Variants in ATP8A1 observed in about 807,000 individuals in gnomAD.
The protein encoded by ATP8A1 is phospholipid-transporting ATPase IA.
ATP8A1 carries 90 observed loss-of-function variants against 177.7 expected under a neutral mutation model. The ratio of observed to expected loss-of-function variants is 0.51; its 90% CI spans 0.43 to 0.60. The LOEUF (loss-of-function observed/expected upper bound fraction) is 0.60, where lower values mean the gene tolerates loss of function less well. Ranked by LOEUF, ATP8A1 falls within the 20% of genes least tolerant of loss-of-function variation. The probability of loss-of-function intolerance (pLI) is 0.00; values close to 1 mark genes in which losing one functional copy is unlikely to be tolerated. For synonymous variants in ATP8A1, 493 were observed against 485.9 expected, an observed-to-expected ratio of 1.01 and a Z score of -0.19; for missense variants, 1,072 against 1,392.8, an observed-to-expected ratio of 0.77 and a Z score of 3.67.
chr4:42,425,784 T>C (rs915460416), intron 33 of ATP8A1, among the ~76,000 whole-genome samples: 5 of 151,862 alleles, frequency 3.3e-5, no homozygotes, highest in African/African-American at 1.2e-4. Flanking sequence ...GAGAGCGGTT[T>C]GCAAATTTCT....
chr4:42,567,155 T>C (rs1005600615), intron 15 of ATP8A1, among the ~76,000 whole-genome samples: 2 of 152,224 alleles, frequency 1.3e-5, no homozygotes, highest in Admixed American at 1.3e-4. Context: ...TTGGACACAG[T>C]AGCAGCTCAG....
chr4:42,591,342 C>T (rs546354071), intron 6 of ATP8A1, among the ~76,000 whole-genome samples: 5 of 150,994 alleles, frequency 3.3e-5, no homozygotes, highest in African/African-American at 9.7e-5. Flanking sequence ...TATACTAGTC[C>T]CTGCCCCACT....
chr4:42,636,156 A>ACACACGCGCGCGCGTGCGCGCGCG (rs565139270), intron 1 of ATP8A1, among the ~76,000 whole-genome samples: 1 of 90,898 alleles, frequency 1.1e-5, no homozygotes, highest in East Asian at 3.4e-4. Context: ...ACACACACAC[A>ACACACGCGCGCGCGTGCGCGCGCG]CGCACACACA....
chr4:42,603,341 A>G lies in ATP8A1; in HGVS notation c.410-2823T>C, dbSNP rs1422439850. 2.0e-5 allele frequency among the ~76,000 whole-genome samples: 3 copies of G among 152,090 alleles called. No homozygotes were observed. The East Asian group carries it at 5.8e-4, about 29-fold the overall frequency. On this transcript the variant is annotated intron_variant, in intron 5 of 36. Coordinates refer to ENST00000381668, the MANE Select transcript of ATP8A1 (RefSeq NM_006095.2). ...GTTTTTTCTTAACCTCACGAGGGTT[A>G]TTTTTTATTCTATATTCCAGTCATT... is the stretch of plus-strand genomic sequence containing the variant.
chr4:42,493,498 A>G (rs550449942), intron 24 of ATP8A1, among the ~76,000 whole-genome samples: 1 of 152,334 alleles, frequency 6.6e-6, no homozygotes, highest in African/African-American at 2.4e-5. Context: ...ACAAAGGATT[A>G]TATCACACAT....
chr4:42,589,517 T>G (rs1733947999), intron 7 of ATP8A1, among the ~76,000 whole-genome samples: 1 of 152,198 alleles, frequency 6.6e-6, no homozygotes, highest in African/African-American at 2.4e-5. Context: ...CAAAAATATT[T>G]TACTGATTCA....
chr4:42,620,954 G>T (rs1253737884), intron 4 of ATP8A1, among the ~76,000 whole-genome samples: 1 of 152,084 alleles, frequency 6.6e-6, no homozygotes, highest in African/African-American at 2.4e-5. Context: ...AAAATTAAAC[G>T]AGAAAAACAT....
intron 33 of ATP8A1, among the ~76,000 whole-genome samples, chr4:42,425,891 C>T (rs528876950): frequency 6.6e-6 from 1 of 152,296 alleles, no homozygotes; most frequent in East Asian, 1.9e-4. Context: ...AAAGTGGCTC[C>T]CGGGGGCCTT....
intron 8 of ATP8A1, 115 bp from the exon 9 acceptor site, chr4:42,586,591 T>C (rs1235406220): frequency 1.5e-5 from 15 of 1,003,178 alleles, no homozygotes; most frequent in East Asian, 1.0e-4. Flanking sequence ...ATTATTTTTA[T>C]AAGCAATTCT....
intron 16 of ATP8A1, among the ~76,000 whole-genome samples, chr4:42,555,714 T>C (rs1730150359): frequency 6.6e-6 from 1 of 152,066 alleles, no homozygotes; most frequent in Non-Finnish European, 1.5e-5. Flanking sequence ...TCCCAGCTAC[T>C]GGGGAGGCTG....
In ATP8A1 at chr4:42,410,974, T is replaced by A. The variant is rs1264466969; in HGVS notation, c.*1942A>T. The A allele has an allele frequency of 6.6e-6, 1 of 152,164 alleles. No individual in the cohort carries two copies. Among genetic ancestry groups the A allele is most frequent in the Admixed American group, 6.6e-5 (1 of 15,258 alleles). The allele number at this position is 152,164 out of a possible 1,614,324, so 9.4% of individuals were successfully genotyped here. A position where few individuals can be genotyped will look rare whatever the true frequency, so the allele number is the denominator to read the frequency against. ...ATTTTTTGTGGTTTGACCTCAGCTA[T>A]CACCACTGGGAAGCCCAGGAAAAGC... On this transcript the variant is annotated 3_prime_UTR_variant, in exon 37 of 37. Coordinates refer to ENST00000381668, the MANE Select transcript of ATP8A1 (RefSeq NM_006095.2).
intron 24 of ATP8A1, among the ~76,000 whole-genome samples, chr4:42,499,152 C>T (rs1045072175): frequency 3.3e-5 from 5 of 152,128 alleles, no homozygotes; most frequent in African/African-American, 1.2e-4. Flanking sequence ...ACAGCAGAGA[C>T]AATCTAGAAA....
chr4:42,611,370 A>G (rs986148803), intron 5 of ATP8A1, among the ~76,000 whole-genome samples: 1 of 152,202 alleles, frequency 6.6e-6, no homozygotes, highest in Non-Finnish European at 1.5e-5. Context: ...TCTAATGCTT[A>G]GTATCATAAT....
chr4:42,565,419 A>G (rs1368659946), intron 15 of ATP8A1, among the ~76,000 whole-genome samples: 1 of 152,220 alleles, frequency 6.6e-6, no homozygotes, highest in East Asian at 1.9e-4. Flanking sequence ...CACTCACTTC[A>G]TACATAACTA....
At chr4:42,547,826 C>T (rs1729080180) in intron 19 of ATP8A1, among the ~76,000 whole-genome samples, 1 of 152,186 alleles carries the variant, frequency 6.6e-6, no homozygotes, top group South Asian at 2.1e-4. Flanking sequence ...AAAGTTGGCA[C>T]AGAAAGAGAA....
intron 1 of ATP8A1, among the ~76,000 whole-genome samples, chr4:42,643,849 A>G (rs905155489): frequency 3.3e-5 from 5 of 152,230 alleles, no homozygotes; most frequent in Admixed American, 1.3e-4. Flanking sequence ...TTGAAGGGCC[A>G]GAACACACAT....
intron 1 of ATP8A1, among the ~76,000 whole-genome samples, chr4:42,655,452 A>C (rs1032989291): frequency 1.3e-5 from 2 of 152,228 alleles, no homozygotes; most frequent in African/African-American, 2.4e-5. Context: ...ATTTAAAAGA[A>C]CACCACCAAC....
At chr4:42,655,050 A>C (rs1741482260) in intron 1 of ATP8A1, among the ~76,000 whole-genome samples, 1 of 152,222 alleles carries the variant, frequency 6.6e-6, no homozygotes, top group African/African-American at 2.4e-5. Context: ...TCTCAGGGGA[A>C]AGGGTCATTC....
rs184328519 is a variant in ATP8A1 at position 42,581,376 on chromosome 4, G to A, written c.834+245C>T. Among the ~76,000 whole-genome samples, 169 of 152,180 alleles carry A rather than the reference G, an allele frequency of 1.1e-3. 1 individual carries two copies. Among genetic ancestry groups the A allele is most frequent in the Admixed American group, 3.1e-3 (48 of 15,294 alleles). ...TCTTGATCTCCTGACCTTGTGATCC[G>A]CCCGCCTTGGCCTCCCAAAGTGCTG... On this transcript the variant is annotated intron_variant, in intron 10 of 36. Transcript: ENST00000381668.
Sources: allele counts gnomAD v4.1 joint callset (sites outside exome capture counted in the v4.1 genomes callset), GRCh38; gene constraint gnomAD v4.1.1; transcripts MANE v1.5; gene names NCBI Gene and HGNC (gene_info 2026-07-23, HGNC 2026-07-21).